Variants in SCRG1 observed in about 807,000 individuals in gnomAD.
SCRG1 encodes stimulator of chondrogenesis 1.
In SCRG1, 3 loss-of-function variants were observed where a neutral mutation model predicts 7.7. The ratio of observed to expected loss-of-function variants is 0.39; its 90% confidence interval spans 0.18 to 1.01. The LOEUF (loss-of-function observed/expected upper bound fraction) is 1.01. Ranked by LOEUF, SCRG1 falls within the 50% of genes least tolerant of loss-of-function variation. The pLI, the probability that SCRG1 is intolerant of heterozygous loss-of-function variation, is 0.36. For synonymous variants in SCRG1, 46 were observed against 41.2 expected, an observed-to-expected ratio of 1.12 and a Z score of -0.44; for missense variants, 110 against 117.2, an observed-to-expected ratio of 0.94 and a Z score of 0.28.
the SCRG1 span, among the ~76,000 whole-genome samples, chr4:173,484,397 A>G: frequency 4.1e-5 from 3 of 73,516 alleles, no homozygotes; most frequent in African/African-American, 5.8e-5. Flanking sequence ...TTTATACATT[A>G]TATATTATAT....
At chr4:173,389,859 C>T (rs1254218620) in intron 2 of SCRG1, 1 of 434,502 alleles carries the variant, frequency 2.3e-6, no homozygotes, top group Non-Finnish European at 4.7e-6. Context: ...TTCTATTTCA[C>T]AGATTTCTTA....
At chr4:173,483,964 ATT>A in the SCRG1 span, among the ~76,000 whole-genome samples, 1 of 90,400 alleles carries the variant, frequency 1.1e-5, no homozygotes, top group Admixed American at 1.9e-4. Flanking sequence ...TATATTATAT[ATT>A]TTATATAATA....
At chr4:173,434,943 C>A in the SCRG1 span, among the ~76,000 whole-genome samples, 12 of 152,082 alleles carry the variant, frequency 7.9e-5, no homozygotes, top group African/African-American at 2.9e-4. Context: ...TGAGTTTGAT[C>A]CCAGGCCCAG....
intron 1 of SCRG1, among the ~76,000 whole-genome samples, chr4:173,392,566 A>G (rs541100910): frequency 6.6e-6 from 1 of 152,356 alleles, no homozygotes; most frequent in South Asian, 2.1e-4. Context: ...CAGGATTTGC[A>G]TAGAAGTATA....
At chr4:173,517,061 A>G in the SCRG1 span, among the ~76,000 whole-genome samples, 1 of 152,220 alleles carries the variant, frequency 6.6e-6, no homozygotes, top group Admixed American at 6.5e-5. Context: ...GGAGGCAGGG[A>G]AGGAGAGGAC....
the SCRG1 span, among the ~76,000 whole-genome samples, chr4:173,413,472 T>G: frequency 8.9e-3 from 1,350 of 152,320 alleles, 22 homozygotes; most frequent in African/African-American, 0.03. Flanking sequence ...GAGCTTGTCA[T>G]GCATGCATTA....
the SCRG1 span, among the ~76,000 whole-genome samples, chr4:173,488,129 A>ATAAATAAG: frequency 6.6e-6 from 1 of 151,252 alleles, no homozygotes; most frequent in African/African-American, 2.4e-5. Flanking sequence ...AAATAAATAA[A>ATAAATAAG]TAAATTTAAA....
upstream of SCRG1, among the ~76,000 whole-genome samples, chr4:173,408,665 T>G (rs1739970744): frequency 1.3e-5 from 2 of 152,058 alleles, no homozygotes; most frequent in African/African-American, 4.8e-5. Context: ...GTCTTTCCCC[T>G]CCCCATAGAA....
chr4:173,403,775 A>G (rs928306028), upstream of SCRG1, among the ~76,000 whole-genome samples: 6 of 152,210 alleles, frequency 3.9e-5, no homozygotes, highest in South Asian at 6.2e-4. Flanking sequence ...GGACTGGTCC[A>G]TGGAATCACA....
At chr4:173,408,887 G>A (rs1455660335), upstream of SCRG1, among the ~76,000 whole-genome samples, 2 of 151,536 alleles carry the variant, frequency 1.3e-5, no homozygotes, top group Admixed American at 1.3e-4. Flanking sequence ...CAGCTACTCC[G>A]GAGGCTGAGG....
At chr4:173,449,717 G>A in the SCRG1 span, among the ~76,000 whole-genome samples, 1 of 152,226 alleles carries the variant, frequency 6.6e-6, no homozygotes, top group African/African-American at 2.4e-5. Flanking sequence ...TGAGAATTAT[G>A]TTGAGGTGGG....
At chr4:173,400,910 A>G (rs923447798), upstream of SCRG1, among the ~76,000 whole-genome samples, 1 of 152,184 alleles carries the variant, frequency 6.6e-6, no homozygotes, top group Admixed American at 6.5e-5. Context: ...TTATTCAAGG[A>G]ATGGGCAGAG....
At chr4:173,449,723 G>A in the SCRG1 span, among the ~76,000 whole-genome samples, 4 of 152,206 alleles carry the variant, frequency 2.6e-5, no homozygotes, top group African/African-American at 7.2e-5. Context: ...TTATGTTGAG[G>A]TGGGCAGTAT....
At chr4:173,453,441 C>T in the SCRG1 span, among the ~76,000 whole-genome samples, 8 of 152,124 alleles carry the variant, frequency 5.3e-5, no homozygotes, top group East Asian at 1.9e-4. Context: ...TGTCATTGTG[C>T]GAACATCATA....
chr4:173,518,397 T>G, the SCRG1 span, among the ~76,000 whole-genome samples: 13 of 152,308 alleles, frequency 8.5e-5, no homozygotes, highest in African/African-American at 2.9e-4. Flanking sequence ...CTTATTTTTT[T>G]AAAATAAAGG....
the SCRG1 span, among the ~76,000 whole-genome samples, chr4:173,483,853 T>TAATA: frequency 1.4e-5 from 1 of 73,128 alleles, no homozygotes; most frequent in African/African-American, 5.7e-5. Context: ...ATAATATATA[T>TAATA]TTCATATTAC....
At chr4:173,512,001 C>A in the SCRG1 span, among the ~76,000 whole-genome samples, 1 of 152,170 alleles carries the variant, frequency 6.6e-6, no homozygotes, top group Admixed American at 6.5e-5. Flanking sequence ...GACTGTAAAT[C>A]CTCATCAGAA....
the SCRG1 span, among the ~76,000 whole-genome samples, chr4:173,496,063 T>C: frequency 6.6e-6 from 1 of 152,164 alleles, no homozygotes; most frequent in African/African-American, 2.4e-5. Context: ...GTATTCAATA[T>C]AGCTCAGAAT....
the SCRG1 span, among the ~76,000 whole-genome samples, chr4:173,414,352 A>G: frequency 6.6e-6 from 1 of 152,322 alleles, no homozygotes; most frequent in African/African-American, 2.4e-5. Context: ...TCTGTAATGC[A>G]TTCTGGAGTC....
Sources: gnomAD v4.1 joint callset for allele counts (sites outside exome capture counted in the v4.1 genomes callset) on GRCh38, gnomAD v4.1.1 for gene constraint, MANE v1.5 for transcripts, NCBI Gene and HGNC (gene_info 2026-07-23, HGNC 2026-07-21) for gene names.